Variants in MUC21 observed in about 807,000 individuals in gnomAD.
MUC21 encodes the protein mucin-21.
MUC21 carries 8 observed loss-of-function variants against 9.1 expected under a neutral mutation model. That is an observed-to-expected ratio of 0.88 (90% CI 0.52 to 1.59). The LOEUF (loss-of-function observed/expected upper bound fraction) is 1.59. Among genes scored for constraint, MUC21 ranks in the 40% most tolerant of loss-of-function variants. The pLI, the probability that MUC21 is intolerant of heterozygous loss-of-function variation, is 0.00. For missense variants in MUC21, 478 were observed against 694.2 expected (o/e 0.69, Z 3.50); for synonymous variants, 189 against 275.2 (o/e 0.69, Z 3.10).
chr6:30,986,213 T>C, intron 1 of MUC21, 24 bp from the exon 2 acceptor site: 4 of 1,583,246 alleles, frequency 2.5e-6, no homozygotes, highest in Non-Finnish European at 3.4e-6. Flanking sequence ...ACAATATATA[T>C]TTGTCATTAT....
At chr6:30,986,180 C>T in intron 1 of MUC21, 57 bp from the exon 2 acceptor site, 1 of 1,434,030 alleles carries the variant, frequency 7.0e-7, no homozygotes, top group East Asian at 2.3e-5. Context: ...TTTAGCCAAG[C>T]AATAAGCAGA....
At chr6:30,984,703 A>G (rs1762175756) in intron 1 of MUC21, among the ~76,000 whole-genome samples, 1 of 151,926 alleles carries the variant, frequency 6.6e-6, no homozygotes, top group South Asian at 2.1e-4. Flanking sequence ...GGCCAGGCTC[A>G]GTGGCTCACG....
At position 30,983,806 on chromosome 6, in the gene MUC21, A is replaced by G. The variant is rs1269173109; in HGVS notation, c.-153A>G. 11 of 560,512 alleles carry G rather than the reference A, an allele frequency of 2.0e-5. No individual in the cohort carries two copies. The highest frequency in any genetic ancestry group is 3.2e-5 in the Non-Finnish European group (10 of 314,514). 34.7% of individuals were successfully genotyped at this position (560,512 alleles called of 1,614,324 possible). On this transcript the variant is annotated 5_prime_UTR_variant, in exon 1 of 3. Coordinates refer to ENST00000376296, the MANE Select transcript of MUC21 (RefSeq NM_001010909.5). ...GCCTGAGTCCAAGATTCTTCCCAGG[A>G]ACACAAACGTAGGAGACCCACGCTC...
chr6:30,984,938 A>T (rs957410470), intron 1 of MUC21, among the ~76,000 whole-genome samples: 5 of 151,842 alleles, frequency 3.3e-5, no homozygotes, highest in Non-Finnish European at 7.4e-5. Context: ...TTGCTCCACT[A>T]TACTCCAGCC....
chr6:30,983,974 G>C lies in MUC21; in HGVS notation c.16G>C (p.Gly6Arg), dbSNP rs779650927. 4 of 779,662 alleles carry C rather than the reference G, an allele frequency of 5.1e-6. No homozygotes were observed. In the Admixed American group the frequency reaches 6.8e-5, roughly 13 times the overall value. 48.3% of individuals were successfully genotyped at this position (779,662 alleles called of 1,614,324 possible). ...AAAGAGACAGATGAAGATGCAGAAAGGAAATGTTCTCCTTATGTTTGGTCT... is the reference window on the plus strand; with the variant it reads ...AAAGAGACAGATGAAGATGCAGAAACGAAATGTTCTCCTTATGTTTGGTCT... MKMQK[G>R]NVLLMFGLLL... Residue 6 changes from glycine to arginine, a missense_variant, in exon 1 of 3, where the codon GGA becomes CGA. By Grantham distance (125) the Gly-to-Arg change is moderately radical. This residue lies in a region of MUC21 where 110 missense variants were observed against 108.3 expected (regional missense o/e 1.02). Coordinates refer to ENST00000376296, the MANE Select transcript of MUC21 (RefSeq NM_001010909.5).
Position 30,986,903 on chromosome 6 carries a change from C to T in MUC21, c.728C>T (p.Ser243Phe). 1 of 1,572,002 alleles carries T rather than the reference C, an allele frequency of 6.4e-7. No individual in the cohort carries two copies. The highest frequency in any genetic ancestry group is 2.4e-5 in the East Asian group (1 of 42,482). Residue 243 changes from serine (S) to phenylalanine (F), a missense_variant, in exon 2 of 3, where the codon TCT (serine) becomes TTT (phenylalanine). By Grantham distance (155) the Ser-to-Phe change is radical. Around this residue, in one of 5 missense-constraint regions of MUC21, gnomAD observed 155 missense variants for 235.2 expected, o/e 0.66. Transcript: ENST00000376296. ...TSSGASTATN[S>F]ESSTPSSGAG... ...AGTGGGGCCAGCACAGCCACCAACTCTGAGTCCAGCACACCCTCCAGTGGG... is the reference window on the plus strand; with the variant it reads ...AGTGGGGCCAGCACAGCCACCAACTTTGAGTCCAGCACACCCTCCAGTGGG...
At position 30,986,921 on chromosome 6, in the gene MUC21, C is replaced by T; in HGVS notation, c.746C>T (p.Ser249Phe). ...TATNSESSTP[S>F]SGAGTATNSE... Reference sequence around the variant, plus strand: ...ACCAACTCTGAGTCCAGCACACCCTCCAGTGGGGCCGGCACAGCCACCAAC... The same window carrying T: ...ACCAACTCTGAGTCCAGCACACCCTTCAGTGGGGCCGGCACAGCCACCAAC... Residue 249 changes from serine (S) to phenylalanine (F), a missense_variant, in exon 2 of 3, where the codon TCC becomes TTC. Around this residue, in one of 5 missense-constraint regions of MUC21, gnomAD observed 155 missense variants for 235.2 expected, o/e 0.66. Transcript: ENST00000376296. The T allele has an allele frequency of 6.4e-7, 1 of 1,551,138 alleles. No individual in the cohort carries two copies. The highest frequency in any genetic ancestry group is 8.8e-7 in the Non-Finnish European group (1 of 1,140,914).
At position 30,983,751 on chromosome 6, in the gene MUC21, C is replaced by T; in HGVS notation, c.-208C>T. Reference sequence around the variant, plus strand: ...AGGCAACTACATTGCCTGGAGGAAGCCTAAGGAACCCAGGCATCCAGCTGC... The same window carrying T: ...AGGCAACTACATTGCCTGGAGGAAGTCTAAGGAACCCAGGCATCCAGCTGC... On this transcript the variant is annotated 5_prime_UTR_variant, in exon 1 of 3. Coordinates refer to ENST00000376296, the MANE Select transcript of MUC21 (RefSeq NM_001010909.5). 2.1e-6 allele frequency: 1 copy of T among 484,628 alleles called. No individual in the cohort carries two copies. Among genetic ancestry groups the T allele is most frequent in the Non-Finnish European group, 3.6e-6 (1 of 275,794 alleles). 30.0% of individuals were successfully genotyped at this position (484,628 alleles called of 1,614,324 possible). A position where few individuals can be genotyped will look rare whatever the true frequency, so the allele number is the denominator to read the frequency against.
rs903704417 is a variant in MUC21, at chr6:30,988,939, T to C, written c.*745T>C. The C allele has an allele frequency of 3.2e-4, 49 of 152,314 alleles. No individual in the cohort carries two copies. The highest frequency in any genetic ancestry group is 1.2e-3 in the African/African-American group (49 of 41,564). 9.4% of individuals were successfully genotyped at this position (152,314 alleles called of 1,614,324 possible). A position where few individuals can be genotyped will look rare whatever the true frequency, so the allele number is the denominator to read the frequency against. On this transcript the variant is annotated 3_prime_UTR_variant, in exon 3 of 3. Coordinates refer to ENST00000376296, the MANE Select transcript of MUC21 (RefSeq NM_001010909.5). ...CTGGTTTCCCAAGGGAAAGACTTTC[T>C]GGCCTGCTGAGGTCGAATCTTCCAA...
chr6:30,986,818 T>A lies in MUC21; in HGVS notation c.643T>A (p.Ser215Thr). 1 of 1,586,114 alleles carries A rather than the reference T, an allele frequency of 6.3e-7. No individual in the cohort carries two copies. The highest frequency in any genetic ancestry group is 8.6e-7 in the Non-Finnish European group (1 of 1,166,842). The part of the protein sequence containing the change: ...SGASTATNSE[S>T]RTTSNGAGTA... The stretch of plus-strand genomic sequence containing the variant: ...GGCCAGCACAGCCACCAACTCTGAG[T>A]CCAGAACGACCTCCAATGGGGCTGG... Residue 215 changes from serine to threonine, a missense_variant, in exon 2 of 3, where the codon TCC becomes ACC. Ser to Thr is a moderately conservative substitution (Grantham distance 58). Around this residue, in one of 5 missense-constraint regions of MUC21, gnomAD observed 155 missense variants for 235.2 expected, o/e 0.66. Transcript: ENST00000376296.
rs1207092842 is a variant in MUC21, at chr6:30,983,833, T to TG, written c.-124dup. On this transcript the variant is annotated 5_prime_UTR_variant, in exon 1 of 3. Transcript: ENST00000376296. ...CACAAACGTAGGAGACCCACGCTCCTGGAAGCACCAGCCTTTATCTCTTCA... is the reference window on the plus strand; with the variant it reads ...CACAAACGTAGGAGACCCACGCTCCTGGGAAGCACCAGCCTTTATCTCTTCA... 3.2e-6 allele frequency: 2 copies of TG among 619,410 alleles called. No homozygotes were observed. The highest frequency in any genetic ancestry group is 2.9e-6 in the Non-Finnish European group (1 of 343,894). 38.4% of individuals were successfully genotyped at this position (619,410 alleles called of 1,614,324 possible).
At position 30,987,627 on chromosome 6, in the gene MUC21, C is replaced by G; in HGVS notation, c.1452C>G (p.Thr484=). The G allele has an allele frequency of 6.2e-7, 1 of 1,614,238 alleles. No homozygotes were observed. The highest frequency in any genetic ancestry group is 8.5e-7 in the Non-Finnish European group (1 of 1,180,040). The change falls in exon 2 of 3, where the codon ACC becomes ACG. Residue 484 remains threonine, a synonymous_variant. Transcript: ENST00000376296. ...SLVPWEIFLI[T]LVSVVAAVGL... ...TGCCGTGGGAAATCTTCCTCATCAC[C>G]CTGGTCTCGGTTGTGGCGGCCGTGG...
intron 1 of MUC21, among the ~76,000 whole-genome samples, chr6:30,984,753 T>C (rs1261451958): frequency 6.6e-6 from 1 of 151,878 alleles, no homozygotes; most frequent in African/African-American, 2.4e-5. Flanking sequence ...GGCGGGTGGA[T>C]GTCTTGAGGC....
In MUC21 at chr6:30,988,871, T is replaced by A. The variant is rs966083702; in HGVS notation, c.*677T>A. 6.6e-6 allele frequency: 1 copy of A among 152,114 alleles called. No homozygotes were observed. Among genetic ancestry groups the A allele is most frequent in the African/African-American group, 2.4e-5 (1 of 41,368 alleles). The allele number at this position is 152,114 out of a possible 1,614,324, so 9.4% of individuals were successfully genotyped here. On this transcript the variant is annotated 3_prime_UTR_variant, in exon 3 of 3. Transcript: ENST00000376296. ...CATGTGCTCCAGGCCTGACTACCCA[T>A]CAGGGTGGAGGAGCTGGTGACACTC...
intron 1 of MUC21, among the ~76,000 whole-genome samples, chr6:30,985,157 G>C (rs1203397229): frequency 6.6e-6 from 1 of 152,040 alleles, no homozygotes; most frequent in Non-Finnish European, 1.5e-5. Flanking sequence ...GGGAAATCAA[G>C]GGCAAAAATT....
In MUC21 at chr6:30,988,099, GC is replaced by G; in HGVS notation, c.1612del (p.His538ThrfsTer18). 3 of 1,611,942 alleles carry G rather than the reference GC, an allele frequency of 1.9e-6. No homozygotes were observed. The highest frequency in any genetic ancestry group is 2.5e-6 in the Non-Finnish European group (3 of 1,179,032). Reference sequence around the variant, plus strand: ...TCCAGGCCCTGGAGGGAATCATGGAGCCCCCCACAGGCCCAGGTGGAGTCCT... The same window carrying G: ...TCCAGGCCCTGGAGGGAATCATGGAGCCCCCACAGGCCCAGGTGGAGTCCT... The part of the protein sequence containing the change: ...LGPGPGGNHG[A>X]PHRPRWSPNW... On this transcript the variant is annotated frameshift_variant, in exon 3 of 3. Coordinates refer to ENST00000376296, the MANE Select transcript of MUC21 (RefSeq NM_001010909.5). LOFTEE classifies it low-confidence loss of function (END_TRUNC).
At position 30,987,509 on chromosome 6, in the gene MUC21, C is replaced by A. The variant is rs1762432214; in HGVS notation, c.1334C>A (p.Ala445Glu). ...AACTCTGGGTCCAGTGTGACCTCTG[C>A]AGGCTCTGGAACAGCAGCTCTGACT... is the stretch of plus-strand genomic sequence containing the variant. ...ATNSGSSVTS[A>E]GSGTAALTGM... The change falls in exon 2 of 3, where the codon GCA becomes GAA. Residue 445 changes from alanine (A) to glutamate (E), a missense_variant. Ala to Glu is a moderately radical substitution (Grantham distance 107, BLOSUM62 -1). Around this residue, in one of 5 missense-constraint regions of MUC21, gnomAD observed 158 missense variants for 192.6 expected, o/e 0.82. Transcript: ENST00000376296. 1 of 1,614,162 alleles carries A rather than the reference C, an allele frequency of 6.2e-7. No homozygotes were observed. The highest frequency in any genetic ancestry group is 1.1e-5 in the South Asian group (1 of 91,094).
At chr6:30,987,943 G>A in intron 2 of MUC21, 57 bp from the exon 3 acceptor site, 1 of 980,612 alleles carries the variant, frequency 1.0e-6, no homozygotes, top group Non-Finnish European at 1.7e-6. Context: ...GGCGTACGTG[G>A]TAAAGGCGTG....
rs774079350 is a variant in MUC21 at position 30,988,030 on chromosome 6, AAC to A, written c.1541_1542del (p.Thr514SerfsTer31). 1 of 1,347,810 alleles carries A rather than the reference AAC, an allele frequency of 7.4e-7. No homozygotes were observed. The highest frequency in any genetic ancestry group is 1.1e-6 in the Non-Finnish European group (1 of 938,134). 83.5% of individuals were successfully genotyped at this position (1,347,810 alleles called of 1,614,324 possible). A position where few individuals can be genotyped will look rare whatever the true frequency, so the allele number is the denominator to read the frequency against. On this transcript the variant is annotated frameshift_variant, in exon 3 of 3. Coordinates refer to ENST00000376296, the MANE Select transcript of MUC21 (RefSeq NM_001010909.5). LOFTEE classifies it low-confidence loss of function (END_TRUNC). ...CAGCCTGTCCCTGAGAAACACCTTT[AAC>A]ACAGCTGTCTACCACCCTCATGGCC... ...RNSLSLRNTF[N>X]TAVYHPHGLN...
Sources: gnomAD v4.1 joint callset for allele counts (sites outside exome capture counted in the v4.1 genomes callset) on GRCh38, gnomAD v4.1.1 for gene constraint, gnomAD v4.1.1 regional missense constraint, MANE v1.5 for transcripts, NCBI Gene and HGNC (gene_info 2026-07-23, HGNC 2026-07-21) for gene names.